Variants in ADCY5 observed in about 807,000 individuals in gnomAD.
ADCY5 encodes adenylate cyclase type 5.
A neutral mutation model predicts 119.7 loss-of-function variants in ADCY5; 30 were observed. That is an observed-to-expected ratio of 0.25 (90% confidence interval 0.19 to 0.34). The LOEUF is 0.34. Ranked by LOEUF, ADCY5 falls within the 10% of genes least tolerant of loss-of-function variation. The pLI is 1.00. For synonymous variants in ADCY5, 753 were observed against 762.2 expected, an observed-to-expected ratio of 0.99 and a Z score of 0.20; for missense variants, 1,324 against 1,775.2, an observed-to-expected ratio of 0.75 and a Z score of 4.57.
chr3:123,313,614 C>T (rs2108313729), intron 12 of ADCY5, among the ~76,000 whole-genome samples: 1 of 152,230 alleles, frequency 6.6e-6, no homozygotes, highest in Non-Finnish European at 1.5e-5. Flanking sequence ...CCAGAGTGAC[C>T]CAGAGCCAGG....
chr3:123,376,071 C>T (rs1049197531), intron 1 of ADCY5, among the ~76,000 whole-genome samples: 8 of 151,958 alleles, frequency 5.3e-5, no homozygotes, highest in Middle Eastern at 3.4e-3. Context: ...AAAGGCTGCC[C>T]GGGTGCAAGG....
At position 123,352,736 on chromosome 3, in the gene ADCY5, G is replaced by A. The variant is rs554091793; in HGVS notation, c.1135-155C>T. Among the ~76,000 whole-genome samples, 3 of 152,326 alleles carry A rather than the reference G, an allele frequency of 2.0e-5. No homozygotes were observed. Among genetic ancestry groups the A allele is most frequent in the South Asian group, 2.1e-4 (1 of 4,828 alleles). On this transcript the variant is annotated intron_variant, in intron 1 of 20. Coordinates refer to ENST00000462833, the MANE Select transcript of ADCY5 (RefSeq NM_183357.3). This position sits in a 1 kb window ranked among gnomAD's most constrained non-coding sequence, Gnocchi z 4.8. ...ACGCGGCCAACCACTGTGAGCAGCC[G>A]AGCATAATCGATCGGGCTCTCTGAT... is the stretch of plus-strand genomic sequence containing the variant.
chr3:123,368,812 T>C (rs935145216), intron 1 of ADCY5, among the ~76,000 whole-genome samples: 2 of 151,788 alleles, frequency 1.3e-5, no homozygotes, highest in African/African-American at 4.8e-5. Flanking sequence ...TGTGTCCCTA[T>C]TATCCAGGAC....
chr3:123,391,619 A>G (rs1358156078), intron 1 of ADCY5, among the ~76,000 whole-genome samples: 1 of 152,130 alleles, frequency 6.6e-6, no homozygotes, highest in East Asian at 1.9e-4. Context: ...TCTAAATGCC[A>G]CAGTACAGAA....
At chr3:123,319,351 C>T (rs1431092559) in intron 10 of ADCY5, among the ~76,000 whole-genome samples, 2 of 66,178 alleles carry the variant, frequency 3.0e-5, no homozygotes, top group East Asian at 9.9e-4. Flanking sequence ...GAAACTCCGT[C>T]TCAAAAAAAA....
rs1479566918 is a variant in ADCY5, at chr3:123,282,555, A to C, written c.*2053T>G. 2 of 152,308 alleles carry C rather than the reference A, an allele frequency of 1.3e-5. No homozygotes were observed. The highest frequency in any genetic ancestry group is 4.8e-5 in the African/African-American group (2 of 41,452). 9.4% of individuals were successfully genotyped at this position (152,308 alleles called of 1,614,324 possible). A position where few individuals can be genotyped will look rare whatever the true frequency, so the allele number is the denominator to read the frequency against. On this transcript the variant is annotated 3_prime_UTR_variant, in exon 21 of 21. Transcript: ENST00000462833. ...GCACACACACTTTACTCAGGTTGGAAGCAGAACGAAAACCCAACACCACTG... is the reference window on the plus strand; with the variant it reads ...GCACACACACTTTACTCAGGTTGGACGCAGAACGAAAACCCAACACCACTG...
At position 123,448,339 on chromosome 3, in the gene ADCY5, C is replaced by G. The variant is rs770922545; in HGVS notation, c.207G>C (p.Leu69=). The G allele has an allele frequency of 6.5e-6, 10 of 1,529,408 alleles. No individual in the cohort carries two copies. The African/African-American group carries it at 1.3e-4, about 20-fold the overall frequency. The allele number at this position is 1,529,408 out of a possible 1,614,324, so 94.7% of individuals were successfully genotyped here. ...CGTCGTCGCTGCGCCAGCGGCTGGCCAGGCGCTGCTGCTGCTGCGGGGTCA... is the reference window on the plus strand; with the variant it reads ...CGTCGTCGCTGCGCCAGCGGCTGGCGAGGCGCTGCTGCTGCTGCGGGGTCA... ...GAVTPQQQQR[L]ASRWRSDDDD... is the part of the protein sequence containing the mutation. The change falls in exon 1 of 21, where the codon CTG becomes CTC. Residue 69 remains leucine, a synonymous_variant. Transcript: ENST00000462833.
intron 1 of ADCY5, among the ~76,000 whole-genome samples, chr3:123,383,428 T>C (rs4678019): frequency 0.99 from 151,329 of 152,330 alleles, 75,179 homozygotes; most frequent in East Asian, 1. Context: ...CATGGCTTTA[T>C]GTGGCAACTG....
intron 1 of ADCY5, among the ~76,000 whole-genome samples, chr3:123,362,157 A>ATTCTGTT (rs1943268586): frequency 6.6e-6 from 1 of 152,194 alleles, no homozygotes; most frequent in African/African-American, 2.4e-5. Context: ...ACATGGATAT[A>ATTCTGTT]TTCTGTTTTC....
Position 123,286,932 on chromosome 3 carries a change from C to T in ADCY5, c.3533-123G>A. ...CTGAGACACCCGTGGGCTTCCAGGCCCAAGGCTGTGCTAAACCCTGCAGCC... is the reference window on the plus strand; with the variant it reads ...CTGAGACACCCGTGGGCTTCCAGGCTCAAGGCTGTGCTAAACCCTGCAGCC... On this transcript the variant is annotated intron_variant, in intron 19 of 20. Coordinates refer to ENST00000462833, the MANE Select transcript of ADCY5 (RefSeq NM_183357.3). The surrounding 1 kb of genome is among the most constrained non-coding windows in gnomAD (Gnocchi z 4.2). 7.2e-7 allele frequency: 1 copy of T among 1,380,728 alleles called. No individual in the cohort carries two copies. The highest frequency in any genetic ancestry group is 2.5e-5 in the East Asian group (1 of 39,878). 85.5% of individuals were successfully genotyped at this position (1,380,728 alleles called of 1,614,324 possible).
At chr3:123,381,187 C>T (rs1036869075) in intron 1 of ADCY5, among the ~76,000 whole-genome samples, 1 of 152,204 alleles carries the variant, frequency 6.6e-6, no homozygotes, top group Non-Finnish European at 1.5e-5. Context: ...TTTGCTCTGC[C>T]CTCTTCTAGT....
intron 1 of ADCY5, among the ~76,000 whole-genome samples, chr3:123,410,125 GC>G (rs1359121074): frequency 1.3e-5 from 2 of 152,158 alleles, no homozygotes; most frequent in East Asian, 1.9e-4. Context: ...CCAGTGAGAG[GC>G]CCCCATCTGC....
chr3:123,339,499 C>T (rs1359322953), intron 3 of ADCY5, among the ~76,000 whole-genome samples: 2 of 152,194 alleles, frequency 1.3e-5, no homozygotes, highest in African/African-American at 4.8e-5. Context: ...GGGGGAAAGG[C>T]CTATGGGAGC....
Position 123,448,358 on chromosome 3 carries a change from G to C in ADCY5, c.188C>G (p.Pro63Arg). ...GCTGGCCAGGCGCTGCTGCTGCTGCGGGGTCACCGCCCCCCCGGGTTTCTT... is the reference window on the plus strand; with the variant it reads ...GCTGGCCAGGCGCTGCTGCTGCTGCCGGGTCACCGCCCCCCCGGGTTTCTT... The part of the protein sequence containing the change: ...STKKPGGAVT[P>R]QQQQRLASRW... Residue 63 changes from proline to arginine, a missense_variant, in exon 1 of 21, where the codon CCG becomes CGG. Physicochemically the swap from Pro to Arg is moderately radical, Grantham distance 103. Transcript: ENST00000462833. The C allele has an allele frequency of 3.3e-6, 5 of 1,512,182 alleles. No homozygotes were observed. The highest frequency in any genetic ancestry group is 4.4e-6 in the Non-Finnish European group (5 of 1,140,936). 93.7% of individuals were successfully genotyped at this position (1,512,182 alleles called of 1,614,324 possible).
intron 3 of ADCY5, among the ~76,000 whole-genome samples, chr3:123,343,409 G>A (rs1463367074): frequency 2.6e-5 from 4 of 152,156 alleles, no homozygotes; most frequent in Admixed American, 6.5e-5. Context: ...CTGAGGCTCC[G>A]ATTAGGTGCC....
intron 8 of ADCY5, 62 bp from the exon 9 acceptor site, chr3:123,320,833 A>C: frequency 3.0e-5 from 38 of 1,278,132 alleles, no homozygotes; most frequent in Non-Finnish European, 4.0e-5. Context: ...CTGAAAGCTC[A>C]GAGGCGTCTA....
intron 1 of ADCY5, among the ~76,000 whole-genome samples, chr3:123,392,030 G>A (rs1365601835): frequency 1.3e-5 from 2 of 152,166 alleles, no homozygotes; most frequent in Non-Finnish European, 2.9e-5. Flanking sequence ...AGCAGCTGCT[G>A]AAAGCCTGCC....
chr3:123,311,824 G>C (rs1389270390), intron 12 of ADCY5, among the ~76,000 whole-genome samples: 12 of 152,148 alleles, frequency 7.9e-5, no homozygotes, highest in Admixed American at 7.9e-4. Context: ...TGGGGGTAGA[G>C]GGCGGGTATT....
chr3:123,320,860 C>A, intron 8 of ADCY5, 89 bp from the exon 9 acceptor site: 1 of 924,458 alleles, frequency 1.1e-6, no homozygotes, highest in East Asian at 2.6e-5. Context: ...TGCAGCTCAT[C>A]TCTACAGTCT....
Sources: gnomAD v4.1 joint callset for allele counts (sites outside exome capture counted in the v4.1 genomes callset) on GRCh38, gnomAD v4.1.1 for gene constraint, Gnocchi (gnomAD v3.1) non-coding constraint, MANE v1.5 for transcripts, NCBI Gene and HGNC (gene_info 2026-07-23, HGNC 2026-07-21) for gene names.